Variants in RFC1 observed in about 807,000 individuals in gnomAD.
The protein encoded by RFC1 is replication factor C subunit 1.
Under a neutral mutation model 137.4 loss-of-function variants are expected in RFC1, and 37 were observed. The ratio of observed to expected loss-of-function variants is 0.27; its 90% CI spans 0.21 to 0.35. RFC1 has a LOEUF of 0.35. RFC1 is among the 10% of genes least tolerant of loss of function. The probability of loss-of-function intolerance (pLI) is 1.00; values close to 1 mark genes in which losing one functional copy is unlikely to be tolerated. For synonymous variants in RFC1, 429 were observed against 455.7 expected (o/e 0.94, Z 0.75); for missense variants, 1,205 against 1,358.5 (o/e 0.89, Z 1.78).
In RFC1 at chr4:39,306,756, C is replaced by G. The variant is rs1349359865; in HGVS notation, c.1886-55G>C. 5 of 988,696 alleles carry G rather than the reference C, an allele frequency of 5.1e-6. No individual in the cohort carries two copies. In the Admixed American group the frequency reaches 9.2e-5, roughly 18 times the overall value. 61.2% of individuals were successfully genotyped at this position (988,696 alleles called of 1,614,324 possible). The stretch of plus-strand genomic sequence containing the variant: ...CAACCTATATCACCTAACAGAAATT[C>G]AAGCATGGCAGAAATAGTTATGCCT... On this transcript the variant is annotated intron_variant, in intron 13 of 24. Transcript: ENST00000349703.
At chr4:39,320,766 A>C (rs1256985446) in intron 8 of RFC1, 97 bp from the exon 9 acceptor site, 3 of 1,229,818 alleles carry the variant, frequency 2.4e-6, no homozygotes, top group Non-Finnish European at 3.3e-6. Flanking sequence ...TTAGCACAGA[A>C]TATACCCTGA....
intron 7 of RFC1, 181 bp downstream of exon 7, chr4:39,323,159 C>A (rs142804455): frequency 2.4e-6 from 1 of 415,762 alleles, no homozygotes; most frequent in East Asian, 3.6e-5. Flanking sequence ...GTTTTGATGC[C>A]GTCACCCTTC....
chr4:39,330,022 A>G (rs1740017393), intron 4 of RFC1, among the ~76,000 whole-genome samples: 1 of 152,064 alleles, frequency 6.6e-6, no homozygotes, highest in Non-Finnish European at 1.5e-5. Flanking sequence ...CGACAGAGTG[A>G]GACTCCCTCT....
chr4:39,290,304 T>A (rs1195596475), intron 23 of RFC1, among the ~76,000 whole-genome samples: 1 of 150,140 alleles, frequency 6.7e-6, no homozygotes, highest in Non-Finnish European at 1.5e-5. Flanking sequence ...ACCCAGGAGG[T>A]GGAGGTTGCA....
intron 4 of RFC1, among the ~76,000 whole-genome samples, chr4:39,333,885 A>ATTTGG (rs1740229638): frequency 1.3e-5 from 2 of 152,194 alleles, no homozygotes; most frequent in Non-Finnish European, 2.9e-5. Flanking sequence ...TGGCTCTCCA[A>ATTTGG]AGAAAAAATA....
intron 1 of RFC1, among the ~76,000 whole-genome samples, chr4:39,365,899 C>T (rs971171738): frequency 1.3e-5 from 2 of 152,238 alleles, no homozygotes; most frequent in African/African-American, 2.4e-5. Flanking sequence ...GAGGTTCGGG[C>T]AACGCCGAAC....
Position 39,321,280 on chromosome 4 carries a change from G to A in RFC1, c.808+7C>T. The A allele has an allele frequency of 6.2e-7, 1 of 1,606,044 alleles. No homozygotes were observed. The highest frequency in any genetic ancestry group is 1.1e-5 in the South Asian group (1 of 89,924). On this transcript the variant is annotated splice_region_variant and intron_variant, in intron 8 of 24. Transcript: ENST00000349703. ...TGCTCCATCTTACTTTTTTCTGCTA[G>A]TATTACCTTTATGAGGATATTTATG...
At chr4:39,338,314 G>A (rs560921635) in intron 4 of RFC1, among the ~76,000 whole-genome samples, 2 of 152,122 alleles carry the variant, frequency 1.3e-5, no homozygotes, top group Non-Finnish European at 2.9e-5. Flanking sequence ...CTAAAAATCT[G>A]TATAACAATA....
intron 2 of RFC1, among the ~76,000 whole-genome samples, chr4:39,350,239 T>A (rs1038836424): frequency 3.9e-5 from 6 of 151,964 alleles, no homozygotes; most frequent in Non-Finnish European, 8.8e-5. Flanking sequence ...TGAACAAGGC[T>A]CAATGATCCG....
Position 39,308,651 on chromosome 4 carries a change from C to T in RFC1, c.1870G>A (p.Glu624Lys), listed in dbSNP as rs748232846. ...GTAAAATCACCGTGTTTTTTATCTT[C>T]GGAAGAACTCTTTTGCCAGTTTCGG... ...WLRNWQKSSSEDKKHAKFGKF... is the reference protein window; with the variant it reads ...WLRNWQKSSSKDKKHAKFGKF... Residue 624 changes from glutamate to lysine, a missense_variant, in exon 13 of 25, where the codon GAA becomes AAA. Transcript: ENST00000349703. 40 of 1,609,416 alleles carry T rather than the reference C, an allele frequency of 2.5e-5. No individual in the cohort carries two copies. The highest frequency in any genetic ancestry group is 6.6e-5 in the South Asian group (6 of 90,746).
intron 22 of RFC1, among the ~76,000 whole-genome samples, chr4:39,293,519 G>C (rs1737803674): frequency 6.6e-6 from 1 of 152,142 alleles, no homozygotes; most frequent in Admixed American, 6.5e-5. Context: ...ATTTTTTAAA[G>C]AAGAGAAACG....
intron 10 of RFC1, 39 bp from the exon 11 acceptor site, chr4:39,312,970 G>A (rs761097662): frequency 1.3e-6 from 2 of 1,492,688 alleles, no homozygotes; most frequent in Non-Finnish European, 1.8e-6. Flanking sequence ...GAAATTACAT[G>A]GTAGCTTTCC....
At chr4:39,310,297 A>C (rs535523303) in intron 12 of RFC1, among the ~76,000 whole-genome samples, 12 of 152,238 alleles carry the variant, frequency 7.9e-5, no homozygotes, top group Non-Finnish European at 1.6e-4. Flanking sequence ...AACTAAATGC[A>C]GTGTGGGACC....
At chr4:39,305,049 G>A (rs945023121) in intron 14 of RFC1, 121 bp from the exon 15 acceptor site, 3 of 699,786 alleles carry the variant, frequency 4.3e-6, no homozygotes, top group South Asian at 3.3e-5. Flanking sequence ...CATAGGTAAA[G>A]TATAAAGTAT....
intron 3 of RFC1, among the ~76,000 whole-genome samples, chr4:39,344,651 G>A (rs1740760977): frequency 6.6e-6 from 1 of 152,164 alleles, no homozygotes; most frequent in Admixed American, 6.5e-5. Flanking sequence ...GCTAGATGTG[G>A]TGCTGCACGC....
intron 1 of RFC1, among the ~76,000 whole-genome samples, chr4:39,355,595 TA>T (rs1419253528): frequency 6.6e-6 from 1 of 152,198 alleles, no homozygotes; most frequent in Non-Finnish European, 1.5e-5. Context: ...AATAAGCAGA[TA>T]AGTTAAAACT....
intron 10 of RFC1, among the ~76,000 whole-genome samples, chr4:39,315,001 C>A (rs1360064894): frequency 6.6e-6 from 1 of 152,116 alleles, no homozygotes; most frequent in African/African-American, 2.4e-5. Context: ...TTCCACTTTC[C>A]ATTCTAGCTA....
At chr4:39,359,422 T>C (rs1741637817) in intron 1 of RFC1, among the ~76,000 whole-genome samples, 1 of 152,192 alleles carries the variant, frequency 6.6e-6, no homozygotes, top group Non-Finnish European at 1.5e-5. Flanking sequence ...GCAACCCAGA[T>C]GGGACTGGAA....
intron 14 of RFC1, 35 bp from the exon 15 acceptor site, chr4:39,304,963 T>C (rs1240230815): frequency 2.3e-6 from 3 of 1,286,536 alleles, no homozygotes; most frequent in Non-Finnish European, 3.4e-6. Flanking sequence ...GAAGGCACAA[T>C]ACAAATTAAC....
Sources: allele counts gnomAD v4.1 joint callset (sites outside exome capture counted in the v4.1 genomes callset), GRCh38; gene constraint gnomAD v4.1.1; transcripts MANE v1.5; gene names NCBI Gene and HGNC (gene_info 2026-07-23, HGNC 2026-07-21).